The following ARHGAP21 variants were observed in gnomAD, a reference collection of about 807,000 sequenced individuals.
ARHGAP21 encodes the protein Rho GTPase activating protein 21.
A neutral mutation model predicts 164.6 loss-of-function variants in ARHGAP21; 38 were observed. That is an observed-to-expected ratio of 0.23 (90% CI 0.18 to 0.30). The LOEUF is 0.30. Ranked by LOEUF, ARHGAP21 falls within the 10% of genes least tolerant of loss-of-function variation. ARHGAP21 has a pLI of 1.00. For missense variants in ARHGAP21, 1,822 were observed against 2,370.7 expected (o/e 0.77, Z 4.81); for synonymous variants, 766 against 857.9 (o/e 0.89, Z 1.87).
intron 5 of ARHGAP21, among the ~76,000 whole-genome samples, chr10:24,634,744 T>C (rs1385549768): frequency 2.0e-5 from 3 of 152,228 alleles, no homozygotes; most frequent in Non-Finnish European, 4.4e-5. Context: ...CAAAATTTGT[T>C]CCTTTAAAGA....
chr10:24,598,082 T>C, intron 14 of ARHGAP21, 73 bp from the exon 15 acceptor site: 1 of 1,189,936 alleles, frequency 8.4e-7, no homozygotes, highest in Non-Finnish European at 1.2e-6. Context: ...TGAGGCTTTC[T>C]ATTGTACTGC....
chr10:24,603,967 G>A (rs1434021287), intron 12 of ARHGAP21, among the ~76,000 whole-genome samples: 1 of 138,718 alleles, frequency 7.2e-6, no homozygotes, highest in African/African-American at 2.7e-5. Context: ...TTTTGGGGAT[G>A]ATAAATAAGG....
chr10:24,668,130 T>G (rs1256514959), intron 3 of ARHGAP21, among the ~76,000 whole-genome samples: 2 of 152,228 alleles, frequency 1.3e-5, no homozygotes, highest in Non-Finnish European at 2.9e-5. Context: ...GTTAGTCGAC[T>G]TATCCAAGGT....
chr10:24,584,537 G>A lies in ARHGAP21; in HGVS notation c.5752C>T (p.Pro1918Ser), dbSNP rs1433097390. 3.1e-6 allele frequency: 5 copies of A among 1,613,956 alleles called. No individual in the cohort carries two copies. Among genetic ancestry groups the A allele is most frequent in the East Asian group, 2.2e-5 (1 of 44,878 alleles). Residue 1918 changes from proline (P) to serine (S), a missense_variant, in exon 26 of 26, where the codon CCT becomes TCT. Physicochemically the swap from Pro to Ser is moderately conservative, Grantham distance 74. Transcript: ENST00000396432. ...AAGCTTTCTCCGTTTATTTGGTCAGGTGACTGTGGTGGTATGGAAAGAAGG... is the reference window on the plus strand; with the variant it reads ...AAGCTTTCTCCGTTTATTTGGTCAGATGACTGTGGTGGTATGGAAAGAAGG... The part of the protein sequence containing the change: ...RPLLSIPPQS[P>S]DQINGESFQN...
At chr10:24,661,338 T>C (rs1839676878) in intron 4 of ARHGAP21, among the ~76,000 whole-genome samples, 1 of 151,766 alleles carries the variant, frequency 6.6e-6, no homozygotes, top group Non-Finnish European at 1.5e-5. Context: ...TTTTAAAATA[T>C]AAAAGAGTGC....
At chr10:24,638,236 T>G (rs960994770) in intron 4 of ARHGAP21, among the ~76,000 whole-genome samples, 2 of 152,094 alleles carry the variant, frequency 1.3e-5, no homozygotes, top group Non-Finnish European at 2.9e-5. Context: ...CAATTCCTCC[T>G]AGAGAGAGAA....
intron 4 of ARHGAP21, among the ~76,000 whole-genome samples, chr10:24,636,033 G>GT (rs1836351834): frequency 6.6e-6 from 1 of 152,166 alleles, no homozygotes; most frequent in African/African-American, 2.4e-5. Flanking sequence ...GATCAACCCC[G>GT]TAAGTCAGAA....
At chr10:24,712,616 A>G (rs146860376) in intron 2 of ARHGAP21, among the ~76,000 whole-genome samples, 31 of 152,268 alleles carry the variant, frequency 2.0e-4, no homozygotes, top group African/African-American at 7.2e-4. Context: ...GCACAGACAC[A>G]ATTTTTTTCC....
chr10:24,717,233 TAATC>T (rs1451853098), intron 2 of ARHGAP21, among the ~76,000 whole-genome samples: 2 of 152,138 alleles, frequency 1.3e-5, no homozygotes, highest in Admixed American at 1.3e-4. Flanking sequence ...GGAAGGAAGA[TAATC>T]AAGAGAGTAT....
chr10:24,723,861 C>A lies in ARHGAP21; in HGVS notation c.-680G>T, dbSNP rs1846166234. ...GGGCCGGGCCGGGGCCCAGCTCCGG[C>A]GCCCGCGAACGCCAAGTGACAGAAG... On this transcript the variant is annotated 5_prime_UTR_variant, in exon 1 of 26. Coordinates refer to ENST00000396432, the MANE Select transcript of ARHGAP21 (RefSeq NM_020824.4). Among the ~76,000 whole-genome samples, 1 of 150,830 alleles carries A rather than the reference C, an allele frequency of 6.6e-6. No homozygotes were observed. The highest frequency in any genetic ancestry group is 2.4e-5 in the African/African-American group (1 of 41,182).
At chr10:24,609,535 G>GAATT in intron 9 of ARHGAP21, among the ~76,000 whole-genome samples, 1 of 152,208 alleles carries the variant, frequency 6.6e-6, no homozygotes, top group South Asian at 2.1e-4. Flanking sequence ...CCTTTTACTG[G>GAATT]TATGTTAAAA....
chr10:24,681,435 G>C (rs1011526045), intron 2 of ARHGAP21, among the ~76,000 whole-genome samples: 7 of 152,174 alleles, frequency 4.6e-5, no homozygotes, highest in Non-Finnish European at 1.0e-4. Context: ...AAGAGTGCCT[G>C]TATAAACAAT....
chr10:24,707,508 C>T (rs961978506), intron 2 of ARHGAP21, among the ~76,000 whole-genome samples: 3 of 152,212 alleles, frequency 2.0e-5, no homozygotes, highest in Admixed American at 2.0e-4. Context: ...CAACACCACC[C>T]TTTCTCCCAA....
At chr10:24,619,247 T>C (rs1834294593) in intron 9 of ARHGAP21, among the ~76,000 whole-genome samples, 1 of 144,532 alleles carries the variant, frequency 6.9e-6, no homozygotes, top group African/African-American at 2.5e-5. Context: ...GGGTACTAGG[T>C]ACATGAAGTT....
intron 4 of ARHGAP21, among the ~76,000 whole-genome samples, chr10:24,651,548 C>T (rs996086419): frequency 2.0e-5 from 3 of 152,180 alleles, no homozygotes; most frequent in Non-Finnish European, 2.9e-5. Context: ...TAGGTGAAGG[C>T]AATCCTTGAG....
At chr10:24,618,340 T>C (rs1834193696) in intron 9 of ARHGAP21, among the ~76,000 whole-genome samples, 1 of 152,192 alleles carries the variant, frequency 6.6e-6, no homozygotes, top group Non-Finnish European at 1.5e-5. Flanking sequence ...TTTAAATCTC[T>C]GCTCTCATGT....
chr10:24,694,629 T>C (rs960143895), intron 2 of ARHGAP21, among the ~76,000 whole-genome samples: 36 of 152,326 alleles, frequency 2.4e-4, no homozygotes, highest in Middle Eastern at 3.4e-3. Flanking sequence ...AGAAGACTCT[T>C]AGAAGCTTGT....
At chr10:24,645,833 T>A (rs1042422514) in intron 4 of ARHGAP21, among the ~76,000 whole-genome samples, 1 of 151,924 alleles carries the variant, frequency 6.6e-6, no homozygotes, top group Non-Finnish European at 1.5e-5. Context: ...AAGAAATAAG[T>A]AATATGAGAA....
chr10:24,707,040 C>G (rs1456897120), intron 2 of ARHGAP21, among the ~76,000 whole-genome samples: 1 of 152,174 alleles, frequency 6.6e-6, no homozygotes, highest in East Asian at 1.9e-4. Context: ...CCAAAGGGTA[C>G]TCCGTCCTTT....
Sources: gnomAD v4.1 joint callset for allele counts (sites outside exome capture counted in the v4.1 genomes callset) on GRCh38, gnomAD v4.1.1 for gene constraint, MANE v1.5 for transcripts, NCBI Gene and HGNC (gene_info 2026-07-23, HGNC 2026-07-21) for gene names.